The following DLG4 variants were observed in gnomAD, a reference collection of about 807,000 sequenced individuals.
DLG4 encodes disks large homolog 4.
Under a neutral mutation model 93.8 loss-of-function variants are expected in DLG4, and 7 were observed. The observed-to-expected ratio is 0.07, with a 90% CI of 0.04 to 0.14. The LOEUF (loss-of-function observed/expected upper bound fraction) is 0.14. Among genes scored for constraint, DLG4 ranks in the 10% least tolerant of loss-of-function variants. The pLI is 1.00. For synonymous variants in DLG4, 341 were observed against 387.6 expected (o/e 0.88, Z 1.41); for missense variants, 545 against 992.9 (o/e 0.55, Z 6.06).
rs2069760742 is a variant in DLG4, at chr17:7,196,016, G to A, written c.1301+204C>T. On this transcript the variant is annotated intron_variant, in intron 11 of 19. Coordinates refer to ENST00000399506, the MANE Select transcript of DLG4 (RefSeq NM_001321075.3). The surrounding 1 kb of genome is among the most constrained non-coding windows in gnomAD (Gnocchi z 8.3). Reference sequence around the variant, plus strand: ...GCTAGAAGGCAATTGGGATACTTGGGGCAGAGGCTATTTTCCCATCGACAG... The same window carrying A: ...GCTAGAAGGCAATTGGGATACTTGGAGCAGAGGCTATTTTCCCATCGACAG... Among the ~76,000 whole-genome samples the A allele has an allele frequency of 6.6e-6, 1 of 152,302 alleles. No homozygotes were observed. The highest frequency in any genetic ancestry group is 3.4e-3 in the Middle Eastern group (1 of 294).
rs2069646582 is a variant in DLG4, at chr17:7,194,150, G to A, written c.1479-150C>T. 7.5e-7 allele frequency: 1 copy of A among 1,337,462 alleles called. No homozygotes were observed. Among genetic ancestry groups the A allele is most frequent in the African/African-American group, 1.5e-5 (1 of 68,438 alleles). 82.8% of individuals were successfully genotyped at this position (1,337,462 alleles called of 1,614,324 possible). ...CCTGGACACTGTGCTCCTCAATAAG[G>A]AGTTGTCCTTCCCAAAGGCTCATGG... On this transcript the variant is annotated intron_variant, in intron 12 of 19. Transcript: ENST00000399506. The surrounding 1 kb of genome is among the most constrained non-coding windows in gnomAD (Gnocchi z 4.4).
chr17:7,207,340 A>G (rs949903781), intron 2 of DLG4, among the ~76,000 whole-genome samples: 2 of 151,920 alleles, frequency 1.3e-5, no homozygotes, highest in African/African-American at 2.4e-5. Flanking sequence ...AGAGAGAGAC[A>G]GCATCAAGAG....
At chr17:7,218,375 A>G, upstream of DLG4, 1 of 1,456,902 alleles carries the variant, frequency 6.9e-7, no homozygotes, top group African/African-American at 1.4e-5. Flanking sequence ...CTGGCAAGGG[A>G]GGAGCCCTTT....
chr17:7,196,638 G>A lies in DLG4; in HGVS notation c.1084-63C>T. 4 of 1,601,988 alleles carry A rather than the reference G, an allele frequency of 2.5e-6. No individual in the cohort carries two copies. The highest frequency in any genetic ancestry group is 3.4e-6 in the Non-Finnish European group (4 of 1,171,712). ...GAGGCAGCACTTCTGGGTCCAGGTG[G>A]AGCAGGGAGTGGTCCCGCAAGAGGA... On this transcript the variant is annotated intron_variant, in intron 9 of 19. Transcript: ENST00000399506. The surrounding 1 kb of genome is among the most constrained non-coding windows in gnomAD (Gnocchi z 8.3).
Position 7,191,984 on chromosome 17 carries a change from C to A in DLG4, c.1885G>T (p.Asp629Tyr), listed in dbSNP as rs1051284141. ...VAEQGKHCIL[D>Y]VSANAVRRLQ... ...CGCCGCACGGCATTGGCCGAGACAT[C>A]GAGGATGCAGTGCTTCCCCTGGGGG... The change falls in exon 18 of 20, where the codon GAT (aspartate) becomes TAT (tyrosine). Residue 629 changes from aspartate (D) to tyrosine (Y), a missense_variant. Around this residue, in one of 5 missense-constraint regions of DLG4, gnomAD observed 428 missense variants for 741.4 expected, o/e 0.58. Transcript: ENST00000399506. This position sits in a 1 kb window ranked among gnomAD's most constrained non-coding sequence, Gnocchi z 6.6. The A allele has an allele frequency of 6.9e-7, 1 of 1,452,422 alleles. No individual in the cohort carries two copies. The highest frequency in any genetic ancestry group is 9.1e-7 in the Non-Finnish European group (1 of 1,097,948). 90.0% of individuals were successfully genotyped at this position (1,452,422 alleles called of 1,614,324 possible).
Position 7,194,197 on chromosome 17 carries a change from C to A in DLG4, c.1478+122G>T. On this transcript the variant is annotated intron_variant, in intron 12 of 19. Coordinates refer to ENST00000399506, the MANE Select transcript of DLG4 (RefSeq NM_001321075.3). The surrounding 1 kb of genome is among the most constrained non-coding windows in gnomAD (Gnocchi z 4.4). ...ATGGGAGCCACGGACCCCAGGAGGG[C>A]CCAACAGACAAACCCCTAGGAGTTC... is the stretch of plus-strand genomic sequence containing the variant. 1 of 1,387,630 alleles carries A rather than the reference C, an allele frequency of 7.2e-7. No homozygotes were observed. Among genetic ancestry groups the A allele is most frequent in the Non-Finnish European group, 9.7e-7 (1 of 1,029,218 alleles). 86.0% of individuals were successfully genotyped at this position (1,387,630 alleles called of 1,614,324 possible).
At position 7,187,931 on chromosome 17, in the gene DLG4, G is replaced by T. The variant is rs956331498; in HGVS notation, c.*2777C>A. On this transcript the variant is annotated 3_prime_UTR_variant, in exon 20 of 20. Transcript: ENST00000399506. Reference sequence around the variant, plus strand: ...TAAAAATATTAAAAAATAGCTGTGTGTTATGGCACGCATCTGTAATCCCAG... The same window carrying T: ...TAAAAATATTAAAAAATAGCTGTGTTTTATGGCACGCATCTGTAATCCCAG... Among the ~76,000 whole-genome samples the T allele has an allele frequency of 2.6e-5, 4 of 152,062 alleles. No individual in the cohort carries two copies. Among genetic ancestry groups the T allele is most frequent in the Non-Finnish European group, 5.9e-5 (4 of 68,018 alleles).
Position 7,193,417 on chromosome 17 carries a change from G to T in DLG4, c.1693+66C>A. The T allele has an allele frequency of 2.1e-6, 3 of 1,440,396 alleles. No individual in the cohort carries two copies. Among genetic ancestry groups the T allele is most frequent in the Admixed American group, 2.6e-5 (1 of 38,658 alleles). The allele number at this position is 1,440,396 out of a possible 1,614,324, so 89.2% of individuals were successfully genotyped here. A position where few individuals can be genotyped will look rare whatever the true frequency, so the allele number is the denominator to read the frequency against. On this transcript the variant is annotated intron_variant, in intron 16 of 19. Transcript: ENST00000399506. The surrounding 1 kb of genome is among the most constrained non-coding windows in gnomAD (Gnocchi z 6.7). ...CCAGGAGGCTCTGCCTATGGCCCCA[G>T]GGATGGGCCTCCCCTGCCCCACCCC... is the stretch of plus-strand genomic sequence containing the variant.
intron 2 of DLG4, 177 bp from the exon 3 acceptor site, chr17:7,204,429 G>T: frequency 1.6e-6 from 1 of 621,060 alleles, no homozygotes; most frequent in Middle Eastern, 4.2e-4. Context: ...GCACACGCGT[G>T]CACATGCGCA....
chr17:7,191,292 C>G lies in DLG4; in HGVS notation c.2043G>C (p.Glu681Asp). Residue 681 changes from glutamate to aspartate, a missense_variant, in exon 19 of 20, where the codon GAG (glutamate) becomes GAC (aspartate). Glu to Asp is a conservative substitution (Grantham distance 45). Around this residue, in one of 5 missense-constraint regions of DLG4, gnomAD observed 428 missense variants for 741.4 expected, o/e 0.58. Coordinates refer to ENST00000399506, the MANE Select transcript of DLG4 (RefSeq NM_001321075.3). The surrounding 1 kb of genome is among the most constrained non-coding windows in gnomAD (Gnocchi z 6.6). ...CTGAGAAGCACTCTGTGAACTCCTG[C>G]TCCAGCTTGGTGGCTCTGTCGAAGG... ...RKAFDRATKLEQEFTECFSAI... is the reference protein window; with the variant it reads ...RKAFDRATKLDQEFTECFSAI... 6.2e-7 allele frequency: 1 copy of G among 1,613,996 alleles called. No homozygotes were observed. Among genetic ancestry groups the G allele is most frequent in the Non-Finnish European group, 8.5e-7 (1 of 1,179,872 alleles).
Position 7,190,218 on chromosome 17 carries a change from A to G in DLG4, c.*490T>C, listed in dbSNP as rs1384738556. On this transcript the variant is annotated 3_prime_UTR_variant, in exon 20 of 20. Coordinates refer to ENST00000399506, the MANE Select transcript of DLG4 (RefSeq NM_001321075.3). ...AAAAAACCACCTTTGAGAAGAAAAA[A>G]AGTGGAAAAAATAAATGAGAAATCA... is the stretch of plus-strand genomic sequence containing the variant. 1 of 153,644 alleles carries G rather than the reference A, an allele frequency of 6.5e-6. No homozygotes were observed. The highest frequency in any genetic ancestry group is 1.4e-5 in the Non-Finnish European group (1 of 69,040). The allele number at this position is 153,644 out of a possible 1,614,324, so 9.5% of individuals were successfully genotyped here.
rs1214290708 is a variant in DLG4, at chr17:7,208,246, A to C, written c.31-7T>G. The C allele has an allele frequency of 7.6e-7, 1 of 1,312,116 alleles. No individual in the cohort carries two copies. The highest frequency in any genetic ancestry group is 3.1e-5 in the South Asian group (1 of 31,834). The allele number at this position is 1,312,116 out of a possible 1,614,324, so 81.3% of individuals were successfully genotyped here. A position where few individuals can be genotyped will look rare whatever the true frequency, so the allele number is the denominator to read the frequency against. ...CATCTTGGTAGCGGTATTTCTGGGGATGGGGACGGAGGTGTCACTGGGGCC... is the reference window on the plus strand; with the variant it reads ...CATCTTGGTAGCGGTATTTCTGGGGCTGGGGACGGAGGTGTCACTGGGGCC... On this transcript the variant is annotated splice_region_variant and splice_polypyrimidine_tract_variant and intron_variant, in intron 1 of 19. Transcript: ENST00000399506. This position sits in a 1 kb window ranked among gnomAD's most constrained non-coding sequence, Gnocchi z 5.4.
At chr17:7,201,520 C>G (rs1000112994) in intron 8 of DLG4, among the ~76,000 whole-genome samples, 1 of 152,194 alleles carries the variant, frequency 6.6e-6, no homozygotes. Context: ...AGGAGTAACA[C>G]TGAGAAACCC....
chr17:7,193,444 ACTTCCAC>A lies in DLG4; in HGVS notation c.1693+32_1693+38del. 1 of 1,500,174 alleles carries A rather than the reference ACTTCCAC, an allele frequency of 6.7e-7. No homozygotes were observed. Among genetic ancestry groups the A allele is most frequent in the Non-Finnish European group, 8.9e-7 (1 of 1,125,284 alleles). The allele number at this position is 1,500,174 out of a possible 1,614,324, so 92.9% of individuals were successfully genotyped here. A position where few individuals can be genotyped will look rare whatever the true frequency, so the allele number is the denominator to read the frequency against. On this transcript the variant is annotated intron_variant, in intron 16 of 19. Transcript: ENST00000399506. The surrounding 1 kb of genome is among the most constrained non-coding windows in gnomAD (Gnocchi z 6.7). ...GATGGGCCTCCCCTGCCCCACCCCC[ACTTCCAC>A]CTTCTCCTCCATCCAAGGCCCCAGC... is the stretch of plus-strand genomic sequence containing the variant.
intron 2 of DLG4, 52 bp from the exon 3 acceptor site, chr17:7,204,304 G>A (rs758612740): frequency 1.4e-5 from 21 of 1,521,360 alleles, no homozygotes; most frequent in Non-Finnish European, 1.8e-5. Flanking sequence ...ACTCGAGAGG[G>A]AGCCCATAAC....
chr17:7,214,700 T>G lies in DLG4; in HGVS notation c.30+2418A>C, dbSNP rs1597498159. The stretch of plus-strand genomic sequence containing the variant: ...CCGGCCCTCCAGTCCGCCACGCAGC[T>G]TCAGTCGTCGCCGGTTACCATGGCA... On this transcript the variant is annotated intron_variant, in intron 1 of 19. Transcript: ENST00000399506. 2.0e-5 allele frequency among the ~76,000 whole-genome samples: 3 copies of G among 152,264 alleles called. No individual in the cohort carries two copies. In the South Asian group the frequency reaches 6.2e-4, roughly 32 times the overall value.
chr17:7,216,375 ATCC>A (rs1285909747), intron 1 of DLG4, among the ~76,000 whole-genome samples: 4 of 151,396 alleles, frequency 2.6e-5, no homozygotes, highest in Non-Finnish European at 4.4e-5. Flanking sequence ...TAAGCCTCTC[ATCC>A]TCCTCCTCAG....
Position 7,203,359 on chromosome 17 carries a change from C to A in DLG4, c.506-30G>T. On this transcript the variant is annotated intron_variant, in intron 6 of 19. Transcript: ENST00000399506. This position sits in a 1 kb window ranked among gnomAD's most constrained non-coding sequence, Gnocchi z 7.2. Reference sequence around the variant, plus strand: ...ATGGAGGGGAGGCCAGAGGTGGGTGCCCAGGAAGCAGGCTTGGGGGCACAG... The same window carrying A: ...ATGGAGGGGAGGCCAGAGGTGGGTGACCAGGAAGCAGGCTTGGGGGCACAG... 2 of 1,591,390 alleles carry A rather than the reference C, an allele frequency of 1.3e-6. No individual in the cohort carries two copies. Among genetic ancestry groups the A allele is most frequent in the Non-Finnish European group, 1.7e-6 (2 of 1,162,788 alleles).
rs546605532 is a variant in DLG4, at chr17:7,196,655, G to A, written c.1084-80C>T. On this transcript the variant is annotated intron_variant, in intron 9 of 19. Transcript: ENST00000399506. The surrounding 1 kb of genome is among the most constrained non-coding windows in gnomAD (Gnocchi z 8.3). ...TCCAGGTGGAGCAGGGAGTGGTCCC[G>A]CAAGAGGACTCGGCTGCAGCCCATC... 6.0e-4 allele frequency: 953 copies of A among 1,588,922 alleles called. 4 individuals carry two copies. The highest frequency in any genetic ancestry group is 3.2e-3 in the South Asian group (283 of 89,322).
Sources: allele counts gnomAD v4.1 joint callset (sites outside exome capture counted in the v4.1 genomes callset), GRCh38; gene constraint gnomAD v4.1.1; regional missense constraint gnomAD v4.1.1; non-coding constraint Gnocchi (gnomAD v3.1); transcripts MANE v1.5; gene names NCBI Gene and HGNC (gene_info 2026-07-23, HGNC 2026-07-21).